The following DMD variants were observed in gnomAD, a reference collection of about 807,000 sequenced individuals.
The protein encoded by DMD is dystrophin, also known as mutant dystrophin.
A neutral mutation model predicts 330.1 loss-of-function variants in DMD; 63 were observed. The observed-to-expected ratio is 0.19, with a 90% CI of 0.16 to 0.24. The LOEUF (loss-of-function observed/expected upper bound fraction) is 0.24. Ranked by LOEUF, DMD falls within the 10% of genes least tolerant of loss-of-function variation. DMD has a pLI of 1.00. For synonymous variants in DMD, 1,223 were observed against 959.8 expected (o/e 1.27, Z -5.07); for missense variants, 3,344 against 2,684.1 (o/e 1.25, Z -5.43).
At position 33,009,694 on chromosome X, in the gene DMD, ATG is replaced by A. The variant is rs1279167464; in HGVS notation, c.93+10443_93+10444del. ...TATACGTATATGTGTATATGCACATATGTGTGTATACGTATATGTGTATATGT... is the reference window on the plus strand; with the variant it reads ...TATACGTATATGTGTATATGCACATATGTGTATACGTATATGTGTATATGT... On this transcript the variant is annotated intron_variant, in intron 2 of 78. Transcript: ENST00000357033. Among the ~76,000 whole-genome samples the A allele has an allele frequency of 1.0e-4, 7 of 68,929 alleles. 1 individual carries two copies. The South Asian group carries it at 3.6e-3, about 35-fold the overall frequency. The allele number at this position is 68,929 out of a possible 115,157, so 59.9% of individuals were successfully genotyped here.
chrX:32,335,696 TTATATACATAACA>T (rs1470885165), intron 41 of DMD, among the ~76,000 whole-genome samples: 1 of 108,187 alleles, frequency 9.2e-6, no homozygotes, highest in Admixed American at 9.9e-5. Flanking sequence ...ATATAACATG[TTATATACATAACA>T]TGTATATATA....
intron 44 of DMD, among the ~76,000 whole-genome samples, chrX:32,002,932 A>G (rs749597030): frequency 5.8e-4 from 65 of 111,513 alleles, no homozygotes; most frequent in African/African-American, 2.0e-3. Flanking sequence ...GTCCTATGGA[A>G]AGTGTTGGAG....
At chrX:33,004,499 GT>G (rs1446779178) in intron 2 of DMD, among the ~76,000 whole-genome samples, 3 of 111,394 alleles carry the variant, frequency 2.7e-5, no homozygotes, top group Non-Finnish European at 5.7e-5. Context: ...CAAATTGTTA[GT>G]TTTTATTGAA....
intron 2 of DMD, among the ~76,000 whole-genome samples, chrX:33,013,061 G>A (rs773912116): frequency 9.1e-6 from 1 of 110,429 alleles, no homozygotes; most frequent in South Asian, 3.9e-4. Flanking sequence ...CTTCTCATAG[G>A]ACTTATCAAT....
chrX:32,498,357 T>G, intron 19 of DMD, among the ~76,000 whole-genome samples: 1 of 111,538 alleles, frequency 9.0e-6, no homozygotes, highest in Non-Finnish European at 1.9e-5. Context: ...ACAGCTAAGA[T>G]AGAGATAAAT....
chrX:31,314,006 T>C (rs953700822), intron 62 of DMD, among the ~76,000 whole-genome samples: 1 of 110,701 alleles, frequency 9.0e-6, no homozygotes, highest in Admixed American at 9.6e-5. Flanking sequence ...GCTACTGTTT[T>C]GTATCTTTGG....
At chrX:32,358,452 C>G (rs1320024637) in intron 37 of DMD, among the ~76,000 whole-genome samples, 1 of 111,260 alleles carries the variant, frequency 9.0e-6, no homozygotes, top group Non-Finnish European at 1.9e-5. Context: ...CTAATATTAT[C>G]TCTGATTGAC....
chrX:31,370,377 G>C (rs2059490238), intron 60 of DMD, among the ~76,000 whole-genome samples: 1 of 111,820 alleles, frequency 8.9e-6, no homozygotes, highest in South Asian at 3.7e-4. Context: ...ATAGACAAAA[G>C]ACATGAACAG....
intron 7 of DMD, among the ~76,000 whole-genome samples, chrX:32,744,925 C>T (rs1225549837): frequency 8.9e-6 from 1 of 111,823 alleles, no homozygotes; most frequent in African/African-American, 3.3e-5. Context: ...TCTTAAAGGA[C>T]TGTATTCTAC....
intron 34 of DMD, among the ~76,000 whole-genome samples, chrX:32,371,111 C>T (rs1421375966): frequency 3.6e-5 from 4 of 111,135 alleles, no homozygotes; most frequent in Non-Finnish European, 5.7e-5. Flanking sequence ...AAGATGCATT[C>T]TGAGTTTTTA....
intron 12 of DMD, among the ~76,000 whole-genome samples, chrX:32,601,483 G>C (rs1164509939): frequency 9.0e-6 from 1 of 111,575 alleles, no homozygotes; most frequent in Non-Finnish European, 1.9e-5. Flanking sequence ...GGCTATACAA[G>C]CACACTAAAT....
At chrX:33,160,101 T>C (rs1180121904) in intron 1 of DMD, among the ~76,000 whole-genome samples, 1 of 111,810 alleles carries the variant, frequency 8.9e-6, no homozygotes, top group Non-Finnish European at 1.9e-5. Context: ...AACACTTTAT[T>C]ATAAAATAGA....
At chrX:33,213,107 C>A (rs1031852376), upstream of DMD, among the ~76,000 whole-genome samples, 2 of 111,507 alleles carry the variant, frequency 1.8e-5, no homozygotes, top group Non-Finnish European at 3.8e-5. Context: ...CCTCAAAAGT[C>A]AGAAATTCTG....
At chrX:31,964,627 G>GTGT (rs2095335765) in intron 45 of DMD, among the ~76,000 whole-genome samples, 1 of 107,826 alleles carries the variant, frequency 9.3e-6, no homozygotes, top group African/African-American at 3.4e-5. Context: ...GTGTGTGTGT[G>GTGT]ATGCCCTATA....
chrX:31,666,369 T>C (rs779059669), intron 53 of DMD, among the ~76,000 whole-genome samples: 8 of 111,938 alleles, frequency 7.1e-5, no homozygotes, highest in Non-Finnish European at 1.5e-4. Flanking sequence ...AAGATGGAGA[T>C]ACCATCAGCC....
chrX:33,168,240 A>G (rs1227247384), intron 1 of DMD, among the ~76,000 whole-genome samples: 1 of 111,260 alleles, frequency 9.0e-6, no homozygotes, highest in African/African-American at 3.3e-5. Context: ...ACATATATAC[A>G]ATGTGGCAAT....
intron 12 of DMD, among the ~76,000 whole-genome samples, chrX:32,607,377 C>T (rs1335649521): frequency 9.1e-6 from 1 of 109,508 alleles, no homozygotes; most frequent in Non-Finnish European, 1.9e-5. Context: ...ATTAAATATC[C>T]TCAGTGTGCC....
chrX:31,206,181 GT>G (rs1260533800), intron 66 of DMD, among the ~76,000 whole-genome samples: 1 of 112,481 alleles, frequency 8.9e-6, no homozygotes, highest in Non-Finnish European at 1.9e-5. Flanking sequence ...AATAAACAAT[GT>G]TTCTTGAACA....
chrX:32,525,301 T>A (rs2046840555), intron 17 of DMD, among the ~76,000 whole-genome samples: 1 of 112,031 alleles, frequency 8.9e-6, no homozygotes, highest in East Asian at 2.8e-4. Flanking sequence ...CTTAGAGTTC[T>A]GGGAGTTAAC....
Sources: gnomAD v4.1 joint callset for allele counts (sites outside exome capture counted in the v4.1 genomes callset) on GRCh38, gnomAD v4.1.1 for gene constraint, MANE v1.5 for transcripts, NCBI Gene and HGNC (gene_info 2026-07-23, HGNC 2026-07-21) for gene names.